GIPC1: variants seen among roughly 807,000 people sequenced by gnomAD.
GIPC1 encodes PDZ domain-containing protein GIPC1.
In GIPC1, 15 loss-of-function variants were observed where a neutral mutation model predicts 28.5. That is an observed-to-expected ratio of 0.53 (90% CI 0.35 to 0.81). GIPC1 has a LOEUF of 0.81. Ranked by LOEUF, GIPC1 falls within the 30% of genes least tolerant of loss-of-function variation. The probability of loss-of-function intolerance (pLI) is 0.01; values close to 1 mark genes in which losing one functional copy is unlikely to be tolerated. For missense variants in GIPC1, 439 were observed against 481.9 expected, an observed-to-expected ratio of 0.91 and a Z score of 0.83; for synonymous variants, 224 against 206.1, an observed-to-expected ratio of 1.09 and a Z score of -0.74.
At position 14,477,887 on chromosome 19, in the gene GIPC1, G is replaced by A. The variant is rs771112020; in HGVS notation, c.*529C>T. The A allele has an allele frequency of 1.3e-5, 2 of 154,114 alleles. No homozygotes were observed. Among genetic ancestry groups the A allele is most frequent in the Non-Finnish European group, 2.9e-5 (2 of 69,040 alleles). The allele number at this position is 154,114 out of a possible 1,614,324, so 9.5% of individuals were successfully genotyped here. A position where few individuals can be genotyped will look rare whatever the true frequency, so the allele number is the denominator to read the frequency against. On this transcript the variant is annotated 3_prime_UTR_variant, in exon 9 of 9. Transcript: ENST00000393033. ...TGGAAGGAGAGATGGGAGGTGGGGA[G>A]GAGGTTGCGGGGTTCACAGCAGACT...
intron 3 of GIPC1, among the ~76,000 whole-genome samples, chr19:14,491,082 G>A (rs2071963793): frequency 6.6e-6 from 1 of 152,142 alleles, no homozygotes; most frequent in Admixed American, 6.5e-5. Flanking sequence ...GGCCGAGGCG[G>A]GTGGATCACC....
At chr19:14,479,365 AAG>A (rs1491175387) in intron 7 of GIPC1, 45 bp downstream of exon 7, 1 of 819,486 alleles carries the variant, frequency 1.2e-6, no homozygotes, top group Non-Finnish European at 1.8e-6. Flanking sequence ...AAAAAAAAAA[AAG>A]AAAGGGAAGG....
Position 14,482,725 on chromosome 19 carries a change from G to A in GIPC1, c.252C>T (p.Gly84=). 6.2e-7 allele frequency: 1 copy of A among 1,611,560 alleles called. No homozygotes were observed. The highest frequency in any genetic ancestry group is 8.5e-7 in the Non-Finnish European group (1 of 1,179,900). ...EGFTNVKELY[G]KIAEAFRLPT... is the part of the protein sequence containing the mutation. Reference sequence around the variant, plus strand: ...GCAGGCGGAAGGCCTCGGCGATCTTGCCATACAGCTCCTTGACGTTGGTGA... The same window carrying A: ...GCAGGCGGAAGGCCTCGGCGATCTTACCATACAGCTCCTTGACGTTGGTGA... Residue 84 remains glycine (G), a synonymous_variant, in exon 4 of 9, where the codon GGC becomes GGT. Transcript: ENST00000393033.
At chr19:14,489,101 T>C (rs2071908092) in intron 3 of GIPC1, among the ~76,000 whole-genome samples, 1 of 152,042 alleles carries the variant, frequency 6.6e-6, no homozygotes. Flanking sequence ...AATTTTTATT[T>C]TTTGTAGAGA....
chr19:14,487,840 C>T (rs2071880876), intron 3 of GIPC1, among the ~76,000 whole-genome samples: 1 of 151,804 alleles, frequency 6.6e-6, no homozygotes, highest in Admixed American at 6.6e-5. Flanking sequence ...CCATGCCCTG[C>T]TAATTTTTTT....
intron 3 of GIPC1, among the ~76,000 whole-genome samples, chr19:14,486,548 C>CG (rs2146479590): frequency 6.6e-6 from 1 of 152,156 alleles, no homozygotes; most frequent in East Asian, 1.9e-4. Flanking sequence ...TCTATGAGGC[C>CG]GGGCCCTGAA....
chr19:14,494,166 A>G (rs1422925700), intron 1 of GIPC1, among the ~76,000 whole-genome samples: 4 of 151,338 alleles, frequency 2.6e-5, no homozygotes, highest in Admixed American at 6.6e-5. Flanking sequence ...CACCATGTTG[A>G]TCAGGCTGGT....
rs370983512 is a variant in GIPC1, at chr19:14,480,325, G to A, written c.635C>T (p.Thr212Met). The change falls in exon 6 of 9, where the codon ACG (threonine) becomes ATG (methionine). Residue 212 changes from threonine (T) to methionine (M), a missense_variant. Thr to Met is a moderately conservative substitution (Grantham distance 81, BLOSUM62 -1). Transcript: ENST00000393033. ...CTCACCGAAGGCCTTGCGAGGCTCC[G>A]TGAGCTTCAGCGTGAAGGTACGGCC... Reference protein sequence around the residue: ...PRGRTFTLKLTEPRKAFDMIS... With the variant: ...PRGRTFTLKLMEPRKAFDMIS... 21 of 1,611,178 alleles carry A rather than the reference G, an allele frequency of 1.3e-5. No individual in the cohort carries two copies. The highest frequency in any genetic ancestry group is 2.2e-4 in the Middle Eastern group (1 of 4,584).
chr19:14,479,857 T>G (rs1486523639), intron 6 of GIPC1: 5 of 366,230 alleles, frequency 1.4e-5, no homozygotes, highest in Middle Eastern at 7.3e-4. Flanking sequence ...CGTCTCCTCT[T>G]GGCCAAGGGG....
chr19:14,480,535 G>A, intron 5 of GIPC1, 50 bp from the exon 6 acceptor site: 5 of 1,604,334 alleles, frequency 3.1e-6, no homozygotes, highest in Non-Finnish European at 4.3e-6. Flanking sequence ...CTGGTTTCCG[G>A]GGTCCCATGG....
chr19:14,478,075 AG>A lies in GIPC1; in HGVS notation c.*340del. On this transcript the variant is annotated 3_prime_UTR_variant, in exon 9 of 9. Coordinates refer to ENST00000393033, the MANE Select transcript of GIPC1 (RefSeq NM_005716.4). This position sits in a 1 kb window ranked among gnomAD's most constrained non-coding sequence, Gnocchi z 5.2. ...ACCCCCAAACAGAACCCAAGGCCCC[AG>A]GGAGACAGAGGGACCAGTTTGGCAG... 3.6e-6 allele frequency: 1 copy of A among 280,278 alleles called. No individual in the cohort carries two copies. The highest frequency in any genetic ancestry group is 6.9e-6 in the Non-Finnish European group (1 of 145,960). 17.4% of individuals were successfully genotyped at this position (280,278 alleles called of 1,614,324 possible).
At chr19:14,494,380 C>G (rs995938991) in intron 1 of GIPC1, among the ~76,000 whole-genome samples, 2 of 232 alleles carry the variant, frequency 8.6e-3, no homozygotes, top group African/African-American at 0.067. Context: ...GCGTGAGCCA[C>G]CGCGCCCGGG....
chr19:14,492,253 C>T (rs991108120), intron 2 of GIPC1, among the ~76,000 whole-genome samples: 1 of 152,040 alleles, frequency 6.6e-6, no homozygotes, highest in Non-Finnish European at 1.5e-5. Flanking sequence ...TTGGAACAGT[C>T]CTGGCACACA....
intron 6 of GIPC1, chr19:14,479,726 A>G (rs2071683980): frequency 7.0e-6 from 3 of 430,390 alleles, no homozygotes; most frequent in Non-Finnish European, 1.2e-5. Flanking sequence ...GAGCAGGGGG[A>G]ACAGCTGGGG....
intron 4 of GIPC1, 92 bp from the exon 5 acceptor site, chr19:14,480,870 C>T (rs1397823570): frequency 1.1e-6 from 1 of 917,134 alleles, no homozygotes; most frequent in African/African-American, 1.7e-5. Context: ...TGGGAGAGGA[C>T]TAGGGGGATT....
chr19:14,494,985 G>A (rs1568370813), intron 1 of GIPC1, among the ~76,000 whole-genome samples: 1 of 152,168 alleles, frequency 6.6e-6, no homozygotes, highest in Non-Finnish European at 1.5e-5. Context: ...GGGGAAGGGG[G>A]AAACCACGCC....
At chr19:14,484,647 G>A (rs957125339) in intron 3 of GIPC1, among the ~76,000 whole-genome samples, 4 of 152,028 alleles carry the variant, frequency 2.6e-5, no homozygotes, top group Admixed American at 1.3e-4. Flanking sequence ...TCAGGAGGCT[G>A]AGGCAGGAGA....
At chr19:14,486,159 A>G (rs894251927) in intron 3 of GIPC1, among the ~76,000 whole-genome samples, 8 of 152,136 alleles carry the variant, frequency 5.3e-5, no homozygotes, top group African/African-American at 1.9e-4. Context: ...CATGACAGGT[A>G]TGGGCCACCG....
chr19:14,485,245 C>T (rs534678027), intron 3 of GIPC1, among the ~76,000 whole-genome samples: 5 of 151,916 alleles, frequency 3.3e-5, no homozygotes, highest in Non-Finnish European at 5.9e-5. Context: ...GGGGTGATCA[C>T]GATAATGGCT....
Sources: gnomAD v4.1 joint callset for allele counts (sites outside exome capture counted in the v4.1 genomes callset) on GRCh38, gnomAD v4.1.1 for gene constraint, Gnocchi (gnomAD v3.1) non-coding constraint, MANE v1.5 for transcripts, NCBI Gene and HGNC (gene_info 2026-07-23, HGNC 2026-07-21) for gene names.